The following SLC5A12 variants were observed in gnomAD, a reference collection of about 807,000 sequenced individuals.
The protein encoded by SLC5A12 is solute carrier family 5 member 12, also known as sodium-coupled monocarboxylate transporter 2.
In SLC5A12, 46 loss-of-function variants were observed where a neutral mutation model predicts 72.7. The observed-to-expected ratio is 0.63, with a 90% CI of 0.50 to 0.81. The LOEUF (loss-of-function observed/expected upper bound fraction) is 0.81. Ranked by LOEUF, SLC5A12 falls within the 30% of genes least tolerant of loss-of-function variation. The probability of loss-of-function intolerance (pLI) is 0.00; values close to 1 mark genes in which losing one functional copy is unlikely to be tolerated. For missense variants in SLC5A12, 683 were observed against 740.7 expected, an observed-to-expected ratio of 0.92 and a Z score of 0.90; for synonymous variants, 275 against 264.4, an observed-to-expected ratio of 1.04 and a Z score of -0.39.
At chr11:26,703,019 T>G (rs1314043226) in intron 6 of SLC5A12, among the ~76,000 whole-genome samples, 1 of 152,190 alleles carries the variant, frequency 6.6e-6, no homozygotes, top group East Asian at 1.9e-4. Flanking sequence ...TAATCTATAA[T>G]TTTTCCCCTT....
At chr11:26,711,218 C>T in intron 3 of SLC5A12, 89 bp downstream of exon 3, 2 of 1,080,294 alleles carry the variant, frequency 1.9e-6, no homozygotes, top group Non-Finnish European at 2.8e-6. Context: ...AGAATATCTC[C>T]CCAACAAAGT....
intron 9 of SLC5A12, among the ~76,000 whole-genome samples, chr11:26,689,150 CT>C (rs1428953385): frequency 1.3e-5 from 2 of 149,392 alleles, no homozygotes; most frequent in Non-Finnish European, 3.0e-5. Flanking sequence ...AATCCCAGCA[CT>C]TAGGGAGGCC....
Position 26,671,252 on chromosome 11 carries a change from C to G in SLC5A12, c.1708-1G>C. On this transcript the variant is annotated splice_acceptor_variant, in intron 14 of 14. Coordinates refer to ENST00000396005, the MANE Select transcript of SLC5A12 (RefSeq NM_178498.4). LOFTEE classifies it high-confidence loss of function. ...GGGCACTGCCATTCTCAAGGTTTTC[C>G]TGAGGGAAATACAAAGACACATATT... 1 of 1,592,204 alleles carries G rather than the reference C, an allele frequency of 6.3e-7. No individual in the cohort carries two copies. The highest frequency in any genetic ancestry group is 1.1e-5 in the South Asian group (1 of 87,546).
At position 26,703,549 on chromosome 11, in the gene SLC5A12, G is replaced by A; in HGVS notation, c.803C>T (p.Thr268Ile). The A allele has an allele frequency of 2.5e-6, 4 of 1,613,622 alleles. No individual in the cohort carries two copies. The highest frequency in any genetic ancestry group is 3.4e-6 in the Non-Finnish European group (4 of 1,179,890). The change falls in exon 6 of 15, where the codon ACA becomes ATA. Residue 268 changes from threonine (T) to isoleucine (I), a missense_variant. Physicochemically the swap from Thr to Ile is moderately conservative, Grantham distance 89. Transcript: ENST00000396005. ...STIQRCISCK[T>I]EKHAKLALYF... Reference sequence around the variant, plus strand: ...AACTTACAGCTTAGCATGCTTTTCTGTTTTGCAAGAGATGCATCGCTGAAT... The same window carrying A: ...AACTTACAGCTTAGCATGCTTTTCTATTTTGCAAGAGATGCATCGCTGAAT...
At position 26,667,322 on chromosome 11, in the gene SLC5A12, A is replaced by G. The variant is rs1190486220; in HGVS notation, c.*3780T>C. The G allele has an allele frequency of 6.6e-6, 1 of 151,930 alleles. No individual in the cohort carries two copies. The highest frequency in any genetic ancestry group is 2.4e-5 in the African/African-American group (1 of 41,412). The allele number at this position is 151,930 out of a possible 1,614,324, so 9.4% of individuals were successfully genotyped here. A position where few individuals can be genotyped will look rare whatever the true frequency, so the allele number is the denominator to read the frequency against. On this transcript the variant is annotated 3_prime_UTR_variant, in exon 15 of 15. Coordinates refer to ENST00000396005, the MANE Select transcript of SLC5A12 (RefSeq NM_178498.4). Reference sequence around the variant, plus strand: ...GGGGAGACTCCTCTATTTTTTCCGTATCTGATCTTTGTAATAATGTTTGAT... The same window carrying G: ...GGGGAGACTCCTCTATTTTTTCCGTGTCTGATCTTTGTAATAATGTTTGAT...
Position 26,721,559 on chromosome 11 carries a change from A to T in SLC5A12, c.156T>A (p.Pro52=). ...AGCTGGCTGTCAGAGACAAGCCGAC[A>T]GGGCCAAAGCTCATTTGCCTTCCCC... ...LVGGRQMSFG[P]VGLSLTASFM... is the part of the protein sequence containing the mutation. The change falls in exon 1 of 15, where the codon CCT becomes CCA. Residue 52 remains proline, a synonymous_variant. Coordinates refer to ENST00000396005, the MANE Select transcript of SLC5A12 (RefSeq NM_178498.4). 2 of 1,614,164 alleles carry T rather than the reference A, an allele frequency of 1.2e-6. No homozygotes were observed. Among genetic ancestry groups the T allele is most frequent in the Non-Finnish European group, 1.7e-6 (2 of 1,180,030 alleles).
intron 1 of SLC5A12, among the ~76,000 whole-genome samples, chr11:26,714,518 G>A (rs752685065): frequency 1.3e-5 from 2 of 152,134 alleles, no homozygotes; most frequent in Non-Finnish European, 2.9e-5. Flanking sequence ...TTCTCAGTAA[G>A]TATTCTAGAA....
At chr11:26,699,907 G>A (rs1434215836) in intron 6 of SLC5A12, among the ~76,000 whole-genome samples, 1 of 151,842 alleles carries the variant, frequency 6.6e-6, no homozygotes, top group African/African-American at 2.4e-5. Flanking sequence ...TTATTTTTTT[G>A]GTAAGAAATA....
intron 13 of SLC5A12, among the ~76,000 whole-genome samples, chr11:26,678,423 A>G (rs953181883): frequency 6.6e-6 from 1 of 151,916 alleles, no homozygotes; most frequent in Non-Finnish European, 1.5e-5. Context: ...TCTGTTGCCC[A>G]AGCTGGAGTG....
chr11:26,683,709 G>C, intron 11 of SLC5A12, 48 bp downstream of exon 11: 1 of 1,468,526 alleles, frequency 6.8e-7, no homozygotes, highest in Admixed American at 2.0e-5. Flanking sequence ...GAAAACGGCT[G>C]GGCCCAGTTT....
intron 6 of SLC5A12, among the ~76,000 whole-genome samples, chr11:26,702,583 A>G (rs540944081): frequency 6.6e-5 from 10 of 152,258 alleles, no homozygotes; most frequent in African/African-American, 1.9e-4. Context: ...GTGAAAGTGT[A>G]TATAACTTTG....
At chr11:26,712,748 A>G in intron 1 of SLC5A12, 42 bp from the exon 2 acceptor site, 7 of 1,467,922 alleles carry the variant, frequency 4.8e-6, no homozygotes, top group Non-Finnish European at 5.6e-6. Flanking sequence ...TGAGGTTTAG[A>G]TAAGAACTGC....
chr11:26,682,313 AG>A (rs1854426894), intron 11 of SLC5A12, among the ~76,000 whole-genome samples: 1 of 152,176 alleles, frequency 6.6e-6, no homozygotes, highest in Admixed American at 6.6e-5. Context: ...TACCAAACAC[AG>A]GGGGCCAGCT....
chr11:26,685,833 C>T (rs560990965), intron 10 of SLC5A12, among the ~76,000 whole-genome samples: 2 of 152,110 alleles, frequency 1.3e-5, no homozygotes, highest in South Asian at 4.2e-4. Flanking sequence ...TAATCACCTG[C>T]AAAATGAAGA....
At chr11:26,698,056 C>T (rs550351088) in intron 7 of SLC5A12, among the ~76,000 whole-genome samples, 1 of 151,978 alleles carries the variant, frequency 6.6e-6, no homozygotes, top group Non-Finnish European at 1.5e-5. Flanking sequence ...CGCCACCTTG[C>T]CTGGCTAATT....
intron 10 of SLC5A12, among the ~76,000 whole-genome samples, chr11:26,685,675 A>G (rs1175761268): frequency 1.3e-5 from 2 of 152,142 alleles, no homozygotes; most frequent in Non-Finnish European, 2.9e-5. Flanking sequence ...GAATCGGAGT[A>G]GAATCTGAAT....
intron 2 of SLC5A12, 118 bp from the exon 3 acceptor site, chr11:26,711,476 T>C: frequency 1.3e-6 from 1 of 778,942 alleles, no homozygotes; most frequent in Admixed American, 2.1e-5. Context: ...CATGAAACAT[T>C]GCATTCCTGT....
intron 6 of SLC5A12, among the ~76,000 whole-genome samples, chr11:26,699,898 TA>T (rs759417526): frequency 6.6e-6 from 1 of 152,204 alleles, no homozygotes; most frequent in African/African-American, 2.4e-5. Context: ...AATATAAAAT[TA>T]TTTTTTTGGT....
At chr11:26,719,613 C>T (rs1855431371) in intron 1 of SLC5A12, among the ~76,000 whole-genome samples, 2 of 152,178 alleles carry the variant, frequency 1.3e-5, no homozygotes, top group South Asian at 2.1e-4. Context: ...ACATGCCAGT[C>T]ACACTCCTTT....
Sources: gnomAD v4.1 joint callset for allele counts (sites outside exome capture counted in the v4.1 genomes callset) on GRCh38, gnomAD v4.1.1 for gene constraint, MANE v1.5 for transcripts, NCBI Gene and HGNC (gene_info 2026-07-23, HGNC 2026-07-21) for gene names.